Variants in RANBP17 observed in about 807,000 individuals in gnomAD.
The protein encoded by RANBP17 is RAN binding protein 17, also known as ran-binding protein 17.
In RANBP17, 158 loss-of-function variants were observed where a neutral mutation model predicts 141.2. That is an observed-to-expected ratio of 1.12 (90% CI 0.98 to 1.28). The LOEUF is 1.28. RANBP17 is among the 50% of genes most tolerant of loss of function. The probability of loss-of-function intolerance (pLI) is 0.00; values close to 1 mark genes in which losing one functional copy is unlikely to be tolerated. For missense variants in RANBP17, 1,438 were observed against 1,290.7 expected (o/e 1.11, Z -1.75); for synonymous variants, 430 against 450.0 (o/e 0.96, Z 0.56).
At chr5:171,211,747 C>G (rs1032751263) in intron 20 of RANBP17, among the ~76,000 whole-genome samples, 2 of 151,342 alleles carry the variant, frequency 1.3e-5, no homozygotes, top group Admixed American at 1.3e-4. Flanking sequence ...ACAAATGCAG[C>G]CTTAACATGG....
intron 14 of RANBP17, among the ~76,000 whole-genome samples, chr5:171,039,894 C>A (rs886333421): frequency 2.0e-5 from 3 of 152,040 alleles, no homozygotes; most frequent in Middle Eastern, 3.2e-3. Context: ...ACCTACCAAC[C>A]AATAAAAGCC....
chr5:170,939,789 C>T (rs979406515), intron 12 of RANBP17, among the ~76,000 whole-genome samples: 6 of 152,074 alleles, frequency 3.9e-5, no homozygotes, highest in African/African-American at 1.4e-4. Context: ...AGAAGCATGT[C>T]AGAGAGAGAG....
chr5:171,097,189 T>G (rs572200924), intron 14 of RANBP17, among the ~76,000 whole-genome samples: 1 of 152,220 alleles, frequency 6.6e-6, no homozygotes, highest in African/African-American at 2.4e-5. Context: ...TCTCTTTAGC[T>G]TGTCCCTTCC....
chr5:170,954,540 ACACAC>A (rs1775453670), intron 13 of RANBP17, among the ~76,000 whole-genome samples: 1 of 149,872 alleles, frequency 6.7e-6, no homozygotes, highest in Non-Finnish European at 1.5e-5. Context: ...ACACACACAC[ACACAC>A]CCCAACCCCA....
At chr5:170,888,970 TATC>T (rs1384795052) in intron 3 of RANBP17, among the ~76,000 whole-genome samples, 13 of 152,144 alleles carry the variant, frequency 8.5e-5, no homozygotes, top group Non-Finnish European at 1.5e-4. Context: ...CTATTTATGT[TATC>T]ATGTGATTTT....
At chr5:171,245,179 T>G (rs560423699) in intron 24 of RANBP17, among the ~76,000 whole-genome samples, 206 of 152,320 alleles carry the variant, frequency 1.4e-3, no homozygotes, top group Middle Eastern at 3.4e-3. Context: ...TCTACTGATG[T>G]GATTTCTGGA....
rs149954158 is a variant in RANBP17, at chr5:171,141,947, A to G, written c.1711-28183A>G. Among the ~76,000 whole-genome samples, 8 of 152,296 alleles carry G rather than the reference A, an allele frequency of 5.3e-5. No homozygotes were observed. In the East Asian group the frequency reaches 1.5e-3, roughly 29 times the overall value. On this transcript the variant is annotated intron_variant, in intron 14 of 27. Transcript: ENST00000523189. ...TAACTCTTTGTTTTCTTTTATACCT[A>G]TTTAGTATGTCATATAAAATGCGTA...
At chr5:171,059,639 C>T (rs1291493358) in intron 14 of RANBP17, among the ~76,000 whole-genome samples, 1 of 151,132 alleles carries the variant, frequency 6.6e-6, no homozygotes, top group Non-Finnish European at 1.5e-5. Flanking sequence ...ATTGACTTGG[C>T]AATGCGGGCT....
At chr5:171,137,167 A>AT in intron 14 of RANBP17, among the ~76,000 whole-genome samples, 1 of 152,130 alleles carries the variant, frequency 6.6e-6, no homozygotes, top group East Asian at 1.9e-4. Flanking sequence ...CTTAATATAT[A>AT]TTTTTCCACA....
chr5:171,040,327 A>T (rs1782174112), intron 14 of RANBP17, among the ~76,000 whole-genome samples: 2 of 152,196 alleles, frequency 1.3e-5, no homozygotes, highest in African/African-American at 4.8e-5. Context: ...AAGATATGAC[A>T]GAAAGTCTCA....
intron 24 of RANBP17, among the ~76,000 whole-genome samples, chr5:171,254,171 T>TG (rs1404447849): frequency 6.9e-6 from 1 of 145,510 alleles, no homozygotes; most frequent in East Asian, 2.0e-4. Context: ...CACTGGAACC[T>TG]GGGGGGCGGA....
At chr5:171,168,563 A>G (rs1374776768) in intron 14 of RANBP17, among the ~76,000 whole-genome samples, 2 of 152,144 alleles carry the variant, frequency 1.3e-5, no homozygotes, top group Non-Finnish European at 2.9e-5. Context: ...TCTGTTCTAC[A>G]TATCATTCTT....
At chr5:170,881,938 A>C (rs1561851548) in intron 3 of RANBP17, 42 bp downstream of exon 3, 1 of 1,341,796 alleles carries the variant, frequency 7.5e-7, no homozygotes, top group East Asian at 2.3e-5. Flanking sequence ...GCGCTTTAAA[A>C]ATCTTTTTCT....
chr5:170,880,822 G>C (rs554001782), intron 2 of RANBP17, among the ~76,000 whole-genome samples: 1 of 152,312 alleles, frequency 6.6e-6, no homozygotes, highest in Non-Finnish European at 1.5e-5. Flanking sequence ...TGATAGACAT[G>C]TGCTGGTAAT....
At chr5:170,996,650 A>G (rs1413274886) in intron 14 of RANBP17, among the ~76,000 whole-genome samples, 1 of 152,214 alleles carries the variant, frequency 6.6e-6, no homozygotes, top group East Asian at 1.9e-4. Context: ...TTAGCATTTT[A>G]CTTTCTGGGT....
chr5:170,943,346 C>T (rs1242623324), intron 12 of RANBP17, among the ~76,000 whole-genome samples: 1 of 152,034 alleles, frequency 6.6e-6, no homozygotes, highest in Non-Finnish European at 1.5e-5. Context: ...TATATTGTCT[C>T]GCTCTTCTGT....
intron 14 of RANBP17, among the ~76,000 whole-genome samples, chr5:171,138,788 C>T (rs1757488628): frequency 6.6e-6 from 1 of 152,112 alleles, no homozygotes; most frequent in African/African-American, 2.4e-5. Flanking sequence ...AAAATTATGC[C>T]AGGCCAGGTG....
At chr5:171,114,148 T>C (rs886463214) in intron 14 of RANBP17, among the ~76,000 whole-genome samples, 7 of 152,288 alleles carry the variant, frequency 4.6e-5, no homozygotes, top group Non-Finnish European at 7.4e-5. Flanking sequence ...CTTCAGGAAT[T>C]TTTTTAAATT....
chr5:171,162,180 C>T (rs1759399434), intron 14 of RANBP17, among the ~76,000 whole-genome samples: 1 of 152,186 alleles, frequency 6.6e-6, no homozygotes, highest in Non-Finnish European at 1.5e-5. Flanking sequence ...CAGGGCTTTA[C>T]CATGGCTTTA....
Sources: gnomAD v4.1 joint callset for allele counts (sites outside exome capture counted in the v4.1 genomes callset) on GRCh38, gnomAD v4.1.1 for gene constraint, MANE v1.5 for transcripts, NCBI Gene and HGNC (gene_info 2026-07-23, HGNC 2026-07-21) for gene names.